The following CENPP variants were observed in gnomAD, a reference collection of about 807,000 sequenced individuals.
CENPP encodes the protein centromere protein P.
A neutral mutation model predicts 35.6 loss-of-function variants in CENPP; 24 were observed. The ratio of observed to expected loss-of-function variants is 0.67; its 90% CI spans 0.49 to 0.95. CENPP has a LOEUF of 0.95. CENPP is among the 40% of genes least tolerant of loss of function. The pLI is 0.00. For missense variants in CENPP, 332 were observed against 345.3 expected (o/e 0.96, Z 0.31); for synonymous variants, 120 against 125.5 (o/e 0.96, Z 0.29).
rs956435342 is a variant in CENPP at position 92,415,855 on chromosome 9, A to G, written c.564+35996A>G. On this transcript the variant is annotated intron_variant, in intron 5 of 7. Transcript: ENST00000375587. Reference sequence around the variant, plus strand: ...TATACATATATATAAAAAAATATATATATATAAAATTATATATTTCTTCTT... The same window carrying G: ...TATACATATATATAAAAAAATATATGTATATAAAATTATATATTTCTTCTT... Among the ~76,000 whole-genome samples the G allele has an allele frequency of 6.8e-5, 10 of 146,444 alleles. 2 individuals are homozygous for G. The highest frequency in any genetic ancestry group is 2.1e-4 in the South Asian group (1 of 4,772).
intron 5 of CENPP, among the ~76,000 whole-genome samples, chr9:92,547,061 A>G (rs1462025960): frequency 1.3e-5 from 2 of 152,328 alleles, no homozygotes; most frequent in Middle Eastern, 3.4e-3. Context: ...ATCCAACAAT[A>G]TATAAATAAT....
At chr9:92,438,005 C>G (rs1346767799) in intron 5 of CENPP, among the ~76,000 whole-genome samples, 3 of 150,684 alleles carry the variant, frequency 2.0e-5, no homozygotes, top group Admixed American at 2.0e-4. Context: ...ATGAGGTCTC[C>G]CTGTGTTGCC....
intron 5 of CENPP, chr9:92,515,187 G>A (rs765188070): frequency 4.4e-6 from 7 of 1,590,262 alleles, no homozygotes; most frequent in South Asian, 1.2e-5. Flanking sequence ...CTATACCACT[G>A]AGTAGAGAAT....
intron 5 of CENPP, among the ~76,000 whole-genome samples, chr9:92,507,088 T>C (rs1847053317): frequency 6.6e-6 from 1 of 151,944 alleles, no homozygotes; most frequent in Non-Finnish European, 1.5e-5. Flanking sequence ...TGGGAGGGCC[T>C]TTGCACCCTG....
At chr9:92,420,188 T>A (rs1369219516) in intron 5 of CENPP, among the ~76,000 whole-genome samples, 1 of 152,188 alleles carries the variant, frequency 6.6e-6, no homozygotes, top group Non-Finnish European at 1.5e-5. Flanking sequence ...CTCAGACCAC[T>A]ATCTCTATGT....
intron 5 of CENPP, among the ~76,000 whole-genome samples, chr9:92,604,144 T>C (rs888267026): frequency 6.6e-6 from 1 of 152,246 alleles, no homozygotes; most frequent in Non-Finnish European, 1.5e-5. Flanking sequence ...GCCAAACTTA[T>C]CCAATTCCTA....
intron 5 of CENPP, among the ~76,000 whole-genome samples, chr9:92,591,351 G>A (rs1259184654): frequency 4.0e-5 from 6 of 151,876 alleles, no homozygotes; most frequent in Non-Finnish European, 5.9e-5. Flanking sequence ...CCCGGGAGGC[G>A]GAACTTGCAG....
At chr9:92,341,499 CTG>C (rs1199020048) in intron 3 of CENPP, 1 of 152,202 alleles carries the variant, frequency 6.6e-6, no homozygotes, top group Non-Finnish European at 1.5e-5. Context: ...CTTTTGTACT[CTG>C]TCCCTTTATT....
intron 5 of CENPP, among the ~76,000 whole-genome samples, chr9:92,556,778 T>A (rs186352975): frequency 6.6e-6 from 1 of 152,364 alleles, no homozygotes; most frequent in Non-Finnish European, 1.5e-5. Flanking sequence ...TAGTGAGTCC[T>A]TATCTACTCT....
chr9:92,393,408 G>C (rs1464637445), intron 5 of CENPP, among the ~76,000 whole-genome samples: 1 of 152,142 alleles, frequency 6.6e-6, no homozygotes, highest in African/African-American at 2.4e-5. Flanking sequence ...TATTGTGCTT[G>C]ATAATTCACC....
At chr9:92,513,777 G>T (rs1418346787) in intron 5 of CENPP, among the ~76,000 whole-genome samples, 1 of 152,224 alleles carries the variant, frequency 6.6e-6, no homozygotes, top group Non-Finnish European at 1.5e-5. Flanking sequence ...CCAGTGACTG[G>T]TGGAGGGGGA....
chr9:92,462,039 G>A (rs898668201), intron 5 of CENPP, among the ~76,000 whole-genome samples: 3 of 151,826 alleles, frequency 2.0e-5, no homozygotes, highest in Non-Finnish European at 4.4e-5. Context: ...GTGTAGTAGC[G>A]CAGTCTTGGC....
In CENPP at chr9:92,582,688, T is replaced by C. The variant is rs72754476; in HGVS notation, c.565-28626T>C. On this transcript the variant is annotated intron_variant, in intron 5 of 7. Coordinates refer to ENST00000375587, the MANE Select transcript of CENPP (RefSeq NM_001012267.3). ...TCCTCATTGTCACTATGTAATGGAATAGAAAAAGGGGACTGTTGTATTGTT... is the reference window on the plus strand; with the variant it reads ...TCCTCATTGTCACTATGTAATGGAACAGAAAAAGGGGACTGTTGTATTGTT... Among the ~76,000 whole-genome samples the C allele has an allele frequency of 6.6e-3, 994 of 151,532 alleles. 5 individuals carry two copies. The highest frequency in any genetic ancestry group is 0.012 in the Non-Finnish European group (794 of 67,884).
chr9:92,508,762 C>A (rs902563032), intron 5 of CENPP, among the ~76,000 whole-genome samples: 1 of 152,022 alleles, frequency 6.6e-6, no homozygotes, highest in Admixed American at 6.6e-5. Flanking sequence ...TTTCTCAATA[C>A]CAGAAGTGTT....
chr9:92,546,975 C>G (rs1046726489), intron 5 of CENPP, among the ~76,000 whole-genome samples: 1 of 152,022 alleles, frequency 6.6e-6, no homozygotes, highest in African/African-American at 2.4e-5. Flanking sequence ...CTGACAGGGA[C>G]GTCAGAAGGA....
intron 5 of CENPP, chr9:92,522,775 C>T (rs1169057424): frequency 1.2e-5 from 20 of 1,613,808 alleles, no homozygotes; most frequent in Non-Finnish European, 1.7e-5. Context: ...GTAGATCTTC[C>T]TCCTTTGCTT....
chr9:92,613,269 C>A lies in CENPP; in HGVS notation c.*120C>A. 1.8e-6 allele frequency: 2 copies of A among 1,098,146 alleles called. No individual in the cohort carries two copies. Among genetic ancestry groups the A allele is most frequent in the Non-Finnish European group, 2.7e-6 (2 of 746,848 alleles). The allele number at this position is 1,098,146 out of a possible 1,614,324, so 68.0% of individuals were successfully genotyped here. A position where few individuals can be genotyped will look rare whatever the true frequency, so the allele number is the denominator to read the frequency against. ...ACACCCTGAAGACGTGCTGTCTATG[C>A]AGTTATGGCACATTATATGGAAACT... On this transcript the variant is annotated 3_prime_UTR_variant, in exon 8 of 8. Coordinates refer to ENST00000375587, the MANE Select transcript of CENPP (RefSeq NM_001012267.3).
At chr9:92,440,346 AAAATAAATAAATAAAT>A (rs58516284) in intron 5 of CENPP, among the ~76,000 whole-genome samples, 54 of 142,544 alleles carry the variant, frequency 3.8e-4, no homozygotes, top group South Asian at 2.0e-3. Context: ...CTGATGAGTT[AAAATAAATAAATAAAT>A]AAATAAATAA....
At chr9:92,491,050 C>G (rs1038014202) in intron 5 of CENPP, among the ~76,000 whole-genome samples, 1 of 152,098 alleles carries the variant, frequency 6.6e-6, no homozygotes, top group Non-Finnish European at 1.5e-5. Context: ...GTTTTAGCAC[C>G]TACTTTGCAC....
Sources: gnomAD v4.1 joint callset for allele counts (sites outside exome capture counted in the v4.1 genomes callset) on GRCh38, gnomAD v4.1.1 for gene constraint, MANE v1.5 for transcripts, NCBI Gene and HGNC (gene_info 2026-07-23, HGNC 2026-07-21) for gene names.